COL21A1: variants seen among roughly 807,000 people sequenced by gnomAD.
COL21A1 encodes the protein collagen type XXI alpha 1 chain, also known as collagen alpha-1(XXI) chain.
COL21A1 carries 149 observed loss-of-function variants against 137.9 expected under a neutral mutation model. That is an observed-to-expected ratio of 1.08 (90% CI 0.95 to 1.24). The LOEUF is 1.24. COL21A1 is among the 50% of genes most tolerant of loss of function. The probability of loss-of-function intolerance (pLI) is 0.00; values close to 1 mark genes in which losing one functional copy is unlikely to be tolerated. For synonymous variants in COL21A1, 456 were observed against 391.5 expected (o/e 1.16, Z -1.95); for missense variants, 1,167 against 1,158.4 (o/e 1.01, Z -0.11).
At chr6:56,191,188 TTG>T (rs1015416983) in intron 1 of COL21A1, among the ~76,000 whole-genome samples, 38 of 152,178 alleles carry the variant, frequency 2.5e-4, no homozygotes, top group African/African-American at 8.7e-4. Flanking sequence ...GATGACAAGA[TTG>T]TGTATTTAGA....
chr6:56,218,571 T>C (rs141393138), intron 1 of COL21A1, among the ~76,000 whole-genome samples: 15 of 152,280 alleles, frequency 9.9e-5, no homozygotes, highest in Admixed American at 9.8e-4. Context: ...AATGTGGTTA[T>C]GTTATACACT....
At chr6:56,081,750 GA>G (rs554892700) in intron 17 of COL21A1, among the ~76,000 whole-genome samples, 47 of 151,654 alleles carry the variant, frequency 3.1e-4, no homozygotes, top group Middle Eastern at 3.4e-3. Flanking sequence ...AATCTTTAAG[GA>G]AAAAAAATCT....
rs1777774780 is a variant in COL21A1 at position 56,179,960 on chromosome 6, C to T, written c.258G>A (p.Val86=). The T allele has an allele frequency of 2.5e-6, 4 of 1,613,896 alleles. No individual in the cohort carries two copies. Among genetic ancestry groups the T allele is most frequent in the Non-Finnish European group, 3.4e-6 (4 of 1,179,844 alleles). ...CATAGCTTCCGAGAGGAATCTCCAG[C>T]ACAGGGTAGTCACTATATTGAACCA... ...VGVVQYSDYP[V]LEIPLGSYDS... Residue 86 remains valine, a synonymous_variant, in exon 3 of 30, where the codon GTG becomes GTA. Coordinates refer to ENST00000244728, the MANE Select transcript of COL21A1 (RefSeq NM_030820.4).
At chr6:56,327,432 G>C (rs1765121708) in intron 1 of COL21A1, among the ~76,000 whole-genome samples, 1 of 151,944 alleles carries the variant, frequency 6.6e-6, no homozygotes, top group Non-Finnish European at 1.5e-5. Flanking sequence ...AGTGAATTTT[G>C]ACAGCAGAAT....
chr6:56,355,516 C>A (rs1765810040), intron 1 of COL21A1, among the ~76,000 whole-genome samples: 1 of 152,024 alleles, frequency 6.6e-6, no homozygotes, highest in Non-Finnish European at 1.5e-5. Context: ...AATCCTGCCT[C>A]CAAAAAACCT....
chr6:56,337,066 T>A (rs1435189535), intron 1 of COL21A1, among the ~76,000 whole-genome samples: 2 of 152,212 alleles, frequency 1.3e-5, no homozygotes, highest in Admixed American at 1.3e-4. Context: ...TCCAAGATAT[T>A]TGTCTCATAT....
In COL21A1 at chr6:56,142,840, T is replaced by G. The variant is rs541845262; in HGVS notation, c.1435-857A>C. Among the ~76,000 whole-genome samples, 26 of 152,296 alleles carry G rather than the reference T, an allele frequency of 1.7e-4. No individual in the cohort carries two copies. In the South Asian group the frequency reaches 3.9e-3, roughly 23 times the overall value. On this transcript the variant is annotated intron_variant, in intron 10 of 29. Coordinates refer to ENST00000244728, the MANE Select transcript of COL21A1 (RefSeq NM_030820.4). ...TTAGATCTTACTGTTTGGGTACCAG[T>G]CTTCATTGTCAACTATGTTAACACA...
intron 16 of COL21A1, among the ~76,000 whole-genome samples, chr6:56,118,679 C>G (rs1365502263): frequency 1.3e-5 from 2 of 151,988 alleles, no homozygotes; most frequent in Non-Finnish European, 2.9e-5. Context: ...AAATCTTCAA[C>G]AAAATACTAA....
At chr6:56,147,940 T>C (rs539892251) in intron 10 of COL21A1, among the ~76,000 whole-genome samples, 3 of 150,992 alleles carry the variant, frequency 2.0e-5, no homozygotes, top group African/African-American at 7.3e-5. Flanking sequence ...GAAAATAGTA[T>C]CTCTTGTTTG....
intron 1 of COL21A1, among the ~76,000 whole-genome samples, chr6:56,307,410 G>A (rs922323251): frequency 2.0e-5 from 3 of 152,174 alleles, no homozygotes; most frequent in African/African-American, 7.2e-5. Flanking sequence ...ACCTACTCAA[G>A]CCTCAGCAAT....
chr6:56,212,892 G>T (rs1475006520), intron 1 of COL21A1, among the ~76,000 whole-genome samples: 3 of 151,878 alleles, frequency 2.0e-5, no homozygotes, highest in Non-Finnish European at 4.4e-5. Context: ...TCATTAATAG[G>T]TACCTATGCT....
At chr6:56,333,693 T>A (rs1455951896) in intron 1 of COL21A1, among the ~76,000 whole-genome samples, 1 of 152,134 alleles carries the variant, frequency 6.6e-6, no homozygotes, top group East Asian at 1.9e-4. Context: ...CTTAAGAAAC[T>A]ATCAACCTAT....
intron 9 of COL21A1, among the ~76,000 whole-genome samples, chr6:56,161,993 T>A (rs1776238108): frequency 6.6e-6 from 1 of 152,184 alleles, no homozygotes; most frequent in Non-Finnish European, 1.5e-5. Flanking sequence ...TCACTCGATT[T>A]GATGGACTTC....
chr6:56,297,431 G>A (rs1764188709), intron 1 of COL21A1, among the ~76,000 whole-genome samples: 1 of 151,984 alleles, frequency 6.6e-6, no homozygotes, highest in Admixed American at 6.6e-5. Context: ...GTAGTCCTCT[G>A]GACTTACAAA....
chr6:56,302,402 CTT>C (rs1216946198), intron 1 of COL21A1, among the ~76,000 whole-genome samples: 1 of 151,978 alleles, frequency 6.6e-6, no homozygotes, highest in African/African-American at 2.4e-5. Flanking sequence ...TGTTTCCTGA[CTT>C]TTTAATGATC....
At chr6:56,205,659 G>C (rs1162384135) in intron 1 of COL21A1, among the ~76,000 whole-genome samples, 1 of 152,120 alleles carries the variant, frequency 6.6e-6, no homozygotes, top group Non-Finnish European at 1.5e-5. Flanking sequence ...TCCTTGAGAA[G>C]AGAAACCCCA....
chr6:56,094,977 C>A (rs1259844367), intron 17 of COL21A1, among the ~76,000 whole-genome samples: 1 of 152,016 alleles, frequency 6.6e-6, no homozygotes, highest in Non-Finnish European at 1.5e-5. Context: ...CAAATAAAAC[C>A]ATATTTACAG....
At chr6:56,071,093 C>T (rs7450492) in intron 20 of COL21A1, among the ~76,000 whole-genome samples, 3 of 151,308 alleles carry the variant, frequency 2.0e-5, no homozygotes, top group Non-Finnish European at 4.4e-5. Context: ...AGTCCAGCCA[C>T]CACATTGCAC....
intron 17 of COL21A1, among the ~76,000 whole-genome samples, chr6:56,092,422 A>G (rs1279360455): frequency 6.6e-6 from 1 of 152,190 alleles, no homozygotes; most frequent in Admixed American, 6.6e-5. Context: ...CATCCATTTA[A>G]TTGCTTCAAA....
Sources: allele counts gnomAD v4.1 joint callset (sites outside exome capture counted in the v4.1 genomes callset), GRCh38; gene constraint gnomAD v4.1.1; transcripts MANE v1.5; gene names NCBI Gene and HGNC (gene_info 2026-07-23, HGNC 2026-07-21).